DLGAP2: variants seen among roughly 807,000 people sequenced by gnomAD.
DLGAP2 encodes the protein DLG associated protein 2.
In DLGAP2, 26 loss-of-function variants were observed where a neutral mutation model predicts 100.3. The observed-to-expected ratio is 0.26, with a 90% CI of 0.19 to 0.36. The LOEUF (loss-of-function observed/expected upper bound fraction) is 0.36. Among genes scored for constraint, DLGAP2 ranks in the 10% least tolerant of loss-of-function variants. The probability of loss-of-function intolerance (pLI) is 1.00; values close to 1 mark genes in which losing one functional copy is unlikely to be tolerated. For synonymous variants in DLGAP2, 886 were observed against 630.1 expected (o/e 1.41, Z -6.08); for missense variants, 1,858 against 1,453.2 (o/e 1.28, Z -4.53).
At chr8:1,270,382 G>T (rs1029854378) in intron 3 of DLGAP2, among the ~76,000 whole-genome samples, 1 of 152,176 alleles carries the variant, frequency 6.6e-6, no homozygotes, top group South Asian at 2.1e-4. Flanking sequence ...ACTTTTGATC[G>T]TCACAGCCTC....
chr8:982,693 C>T (rs1367683266), intron 2 of DLGAP2, among the ~76,000 whole-genome samples: 1 of 152,066 alleles, frequency 6.6e-6, no homozygotes, highest in Admixed American at 6.5e-5. Context: ...GATTTGTGGT[C>T]TCAAGACTTT....
intron 2 of DLGAP2, among the ~76,000 whole-genome samples, chr8:1,089,348 C>G (rs1804095466): frequency 6.6e-6 from 1 of 152,202 alleles, no homozygotes; most frequent in Non-Finnish European, 1.5e-5. Context: ...GTCTTACTTT[C>G]CCTTTTGACA....
At chr8:1,586,069 C>G (rs1007379711) in intron 6 of DLGAP2, among the ~76,000 whole-genome samples, 3 of 152,214 alleles carry the variant, frequency 2.0e-5, no homozygotes, top group Non-Finnish European at 4.4e-5. Context: ...CTGCCACAAA[C>G]TTAGTGTCTT....
chr8:1,176,710 C>G (rs13261371), intron 2 of DLGAP2, among the ~76,000 whole-genome samples: 68,053 of 151,862 alleles, frequency 0.45, 15,383 homozygotes, highest in Non-Finnish European at 0.47. Flanking sequence ...GTCTGCCATG[C>G]TGCCTGTTGT....
chr8:1,565,298 T>C (rs1182178901), intron 5 of DLGAP2, among the ~76,000 whole-genome samples: 2 of 60,074 alleles, frequency 3.3e-5, no homozygotes, highest in African/African-American at 1.4e-4. Flanking sequence ...TTTTCTCCCT[T>C]GTTTTCTTTT....
At chr8:1,296,951 G>A (rs772009766) in intron 3 of DLGAP2, 8 of 152,500 alleles carry the variant, frequency 5.2e-5, no homozygotes, top group African/African-American at 1.7e-4. Flanking sequence ...TCAATCCCAA[G>A]GTGGAGTTGA....
At chr8:1,186,629 C>T (rs1217044108) in intron 2 of DLGAP2, among the ~76,000 whole-genome samples, 1 of 152,002 alleles carries the variant, frequency 6.6e-6, no homozygotes, top group African/African-American at 2.4e-5. Flanking sequence ...ATACTCCACT[C>T]CGTTGTGAGT....
rs1820358231 is a variant in DLGAP2 at position 737,842 on chromosome 8, G to T, written c.18+17G>T. 5.3e-6 allele frequency: 2 copies of T among 377,448 alleles called. No individual in the cohort carries two copies. The highest frequency in any genetic ancestry group is 7.6e-5 in the East Asian group (2 of 26,452). The allele number at this position is 377,448 out of a possible 1,614,324, so 23.4% of individuals were successfully genotyped here. ...CTGAGGAAGGTGCGAGCCGCCGGGG[G>T]CTGCCGGGAGCCGGGCGCGGGGCTC... On this transcript the variant is annotated intron_variant, in intron 1 of 14. Transcript: ENST00000637795.
intron 8 of DLGAP2, among the ~76,000 whole-genome samples, chr8:1,636,533 T>A (rs1797770739): frequency 6.6e-6 from 1 of 152,272 alleles, no homozygotes; most frequent in African/African-American, 2.4e-5. Flanking sequence ...GTTGCTTTTT[T>A]AAAATTTTAC....
At chr8:1,032,174 A>G (rs1457634244) in intron 2 of DLGAP2, among the ~76,000 whole-genome samples, 1 of 152,378 alleles carries the variant, frequency 6.6e-6, no homozygotes, top group South Asian at 2.1e-4. Context: ...TAGCGCATCC[A>G]TCGACGCTGG....
chr8:1,097,584 C>T (rs555096693), intron 2 of DLGAP2, among the ~76,000 whole-genome samples: 3 of 132,136 alleles, frequency 2.3e-5, no homozygotes, highest in South Asian at 4.9e-4. Flanking sequence ...GGCCTTCACC[C>T]TCTGTGGCAT....
chr8:1,178,993 A>G (rs147485822), intron 2 of DLGAP2, among the ~76,000 whole-genome samples: 112 of 152,312 alleles, frequency 7.4e-4, no homozygotes, highest in Non-Finnish European at 1.2e-3. Context: ...TTAGGTCCCT[A>G]CAGATTAATT....
At chr8:1,359,055 G>T (rs1022566466) in intron 3 of DLGAP2, among the ~76,000 whole-genome samples, 2 of 152,194 alleles carry the variant, frequency 1.3e-5, no homozygotes, top group Admixed American at 1.3e-4. Context: ...GCAGGTCGGG[G>T]TGGGGCCCAC....
At chr8:897,278 T>A (rs1396675063) in intron 1 of DLGAP2, among the ~76,000 whole-genome samples, 1 of 152,176 alleles carries the variant, frequency 6.6e-6, no homozygotes, top group Non-Finnish European at 1.5e-5. Context: ...CCCTTCTTTC[T>A]CCAAACCCTG....
At chr8:1,163,831 G>A (rs1224062190) in intron 2 of DLGAP2, among the ~76,000 whole-genome samples, 2 of 152,180 alleles carry the variant, frequency 1.3e-5, no homozygotes, top group Non-Finnish European at 2.9e-5. Context: ...GCTTGGGTAC[G>A]GAGGCTCAGG....
Position 1,701,176 on chromosome 8 carries a change from G to T in DLGAP2, c.2950-12G>T, listed in dbSNP as rs373565135. The T allele has an allele frequency of 1.9e-6, 3 of 1,552,212 alleles. No homozygotes were observed. The highest frequency in any genetic ancestry group is 2.4e-5 in the East Asian group (1 of 41,076). On this transcript the variant is annotated splice_polypyrimidine_tract_variant and intron_variant, in intron 14 of 14. Transcript: ENST00000637795. ...CGAGCACCTGCCAACGGTGACTTGCGCTGCTTTTCAGGAAGAAAGAAAGGT... is the reference window on the plus strand; with the variant it reads ...CGAGCACCTGCCAACGGTGACTTGCTCTGCTTTTCAGGAAGAAAGAAAGGT...
chr8:1,116,933 G>A (rs1042669386), intron 2 of DLGAP2, among the ~76,000 whole-genome samples: 1 of 152,218 alleles, frequency 6.6e-6, no homozygotes, highest in East Asian at 1.9e-4. Context: ...CTCTTCCGCA[G>A]CCAACAGCTA....
chr8:888,437 G>C (rs758588955), intron 1 of DLGAP2, among the ~76,000 whole-genome samples: 10 of 152,072 alleles, frequency 6.6e-5, no homozygotes, highest in Admixed American at 2.6e-4. Context: ...GTGATCATTT[G>C]GAGAAGATAA....
At position 1,632,957 on chromosome 8, in the gene DLGAP2, G is replaced by T. The variant is rs201291636; in HGVS notation, c.1721G>T (p.Arg574Leu). 2 of 1,613,828 alleles carry T rather than the reference G, an allele frequency of 1.2e-6. No individual in the cohort carries two copies. The highest frequency in any genetic ancestry group is 1.7e-6 in the Non-Finnish European group (2 of 1,179,894). The change falls in exon 8 of 15, where the codon CGA (arginine) becomes CTA (leucine). Residue 574 changes from arginine to leucine, a missense_variant. Transcript: ENST00000637795. Reference protein sequence around the residue: ...CFRTRSHSYLRAIQAGYSQDD... With the variant: ...CFRTRSHSYLLAIQAGYSQDD... Reference sequence around the variant, plus strand: ...CGAACAAGGAGTCACAGCTACCTTCGAGCCATTCAAGCCGGCTACTCCCAA... The same window carrying T: ...CGAACAAGGAGTCACAGCTACCTTCTAGCCATTCAAGCCGGCTACTCCCAA...
Sources: allele counts gnomAD v4.1 joint callset (sites outside exome capture counted in the v4.1 genomes callset), GRCh38; gene constraint gnomAD v4.1.1; transcripts MANE v1.5; gene names NCBI Gene and HGNC (gene_info 2026-07-23, HGNC 2026-07-21).